ACTA1: variants seen among roughly 807,000 people sequenced by gnomAD.
ACTA1 encodes actin, alpha skeletal muscle.
ACTA1 carries 25 observed loss-of-function variants against 35.8 expected under a neutral mutation model. The ratio of observed to expected loss-of-function variants is 0.70; its 90% CI spans 0.51 to 0.97. ACTA1 has a LOEUF of 0.97. ACTA1 is among the 50% of genes least tolerant of loss of function. The pLI, the probability that ACTA1 is intolerant of heterozygous loss-of-function variation, is 0.00. For synonymous variants in ACTA1, 219 were observed against 217.1 expected (o/e 1.01, Z -0.08); for missense variants, 174 against 533.0 (o/e 0.33, Z 6.63).
At position 229,433,563 on chromosome 1, in the gene ACTA1, A is replaced by G. The variant is rs114344322; in HGVS notation, c.-12-436T>C. Among the ~76,000 whole-genome samples the G allele has an allele frequency of 7.0e-3, 1,067 of 152,290 alleles. 5 individuals are homozygous for G. Among genetic ancestry groups the G allele is most frequent in the Non-Finnish European group, 0.011 (735 of 68,022 alleles). The stretch of plus-strand genomic sequence containing the variant: ...AGCGTGAGGGTGGAAGGAGATGCCC[A>G]TGGGAAAGGCGTTGGCACCCCATCC... On this transcript the variant is annotated intron_variant, in intron 1 of 6. Coordinates refer to ENST00000366684, the MANE Select transcript of ACTA1 (RefSeq NM_001100.4).
Position 229,432,614 on chromosome 1 carries a change from G to T in ACTA1, c.396C>A (p.Pro132=). 1 of 1,614,032 alleles carries T rather than the reference G, an allele frequency of 6.2e-7. No homozygotes were observed. Among genetic ancestry groups the T allele is most frequent in the Non-Finnish European group, 8.5e-7 (1 of 1,179,994 alleles). The change falls in exon 3 of 7, where the codon CCC becomes CCA. Residue 132 remains proline (P), a synonymous_variant. Coordinates refer to ENST00000366684, the MANE Select transcript of ACTA1 (RefSeq NM_001100.4). ...TQIMFETFNV[P]AMYVAIQAVL... ...CGGCCTGGATGGCCACGTACATGGC[G>T]GGCACGTTGAAGGTCTCAAACATGA...
chr1:229,433,787 C>A (rs527442566), intron 1 of ACTA1, among the ~76,000 whole-genome samples: 3 of 152,238 alleles, frequency 2.0e-5, no homozygotes, highest in Non-Finnish European at 4.4e-5. Flanking sequence ...GGTAAAGGAG[C>A]CCAAAGGGGC....
intron 1 of ACTA1, among the ~76,000 whole-genome samples, chr1:229,433,539 G>A (rs1366463925): frequency 6.6e-6 from 1 of 152,222 alleles, no homozygotes; most frequent in African/African-American, 2.4e-5. Context: ...TGCTGGGCCA[G>A]CGTGAGGGTG....
At chr1:229,433,339 AG>A (rs1185743796) in intron 1 of ACTA1, among the ~76,000 whole-genome samples, 2 of 152,158 alleles carry the variant, frequency 1.3e-5, no homozygotes, top group East Asian at 1.9e-4. Context: ...AACCAGGAAA[AG>A]GGGCACAGGG....
In ACTA1 at chr1:229,431,334, G is replaced by T; in HGVS notation, c.*165C>A. The stretch of plus-strand genomic sequence containing the variant: ...TTGTTTCGAAAAATAACAAAATGAG[G>T]TAATAAGTTAATGTATGTACACGTT... On this transcript the variant is annotated 3_prime_UTR_variant, in exon 7 of 7. Transcript: ENST00000366684. This position sits in a 1 kb window ranked among gnomAD's most constrained non-coding sequence, Gnocchi z 7.1. 1 of 929,896 alleles carries T rather than the reference G, an allele frequency of 1.1e-6. No individual in the cohort carries two copies. Among genetic ancestry groups the T allele is most frequent in the Non-Finnish European group, 1.7e-6 (1 of 590,826 alleles). The allele number at this position is 929,896 out of a possible 1,614,324, so 57.6% of individuals were successfully genotyped here. A position where few individuals can be genotyped will look rare whatever the true frequency, so the allele number is the denominator to read the frequency against.
Position 229,432,201 on chromosome 1 carries a change from G to C in ACTA1, c.617-16C>G. 3.1e-6 allele frequency: 5 copies of C among 1,613,378 alleles called. No individual in the cohort carries two copies. The highest frequency in any genetic ancestry group is 4.2e-6 in the Non-Finnish European group (5 of 1,179,676). On this transcript the variant is annotated splice_polypyrimidine_tract_variant and intron_variant, in intron 4 of 6. Coordinates refer to ENST00000366684, the MANE Select transcript of ACTA1 (RefSeq NM_001100.4). The stretch of plus-strand genomic sequence containing the variant: ...TCGCGCTCAGCTGCGGAGGGCAGAA[G>C]CAGGAGAGGAGCCCTCACTCAGGGG...
chr1:229,431,924 G>C lies in ACTA1; in HGVS notation c.809-22C>G. 1.9e-6 allele frequency: 3 copies of C among 1,607,778 alleles called. No individual in the cohort carries two copies. Among genetic ancestry groups the C allele is most frequent in the South Asian group, 1.1e-5 (1 of 90,926 alleles). On this transcript the variant is annotated intron_variant, in intron 5 of 6. Coordinates refer to ENST00000366684, the MANE Select transcript of ACTA1 (RefSeq NM_001100.4). The surrounding 1 kb of genome is among the most constrained non-coding windows in gnomAD (Gnocchi z 7.1). ...ATACCTGGGGACCGCGGCGGGGAGC[G>C]TGAGCAGAAGCTCGGGGCGCCGGGG...
At position 229,432,611 on chromosome 1, in the gene ACTA1, G is replaced by T. The variant is rs1558081976; in HGVS notation, c.399C>A (p.Ala133=). 6.2e-7 allele frequency: 1 copy of T among 1,614,054 alleles called. No individual in the cohort carries two copies. Among genetic ancestry groups the T allele is most frequent in the Non-Finnish European group, 8.5e-7 (1 of 1,180,010 alleles). Residue 133 remains alanine (A), a synonymous_variant, in exon 3 of 7, where the codon GCC becomes GCA. Transcript: ENST00000366684. ...QIMFETFNVP[A]MYVAIQAVLS... ...GCACGGCCTGGATGGCCACGTACATGGCGGGCACGTTGAAGGTCTCAAACA... is the reference window on the plus strand; with the variant it reads ...GCACGGCCTGGATGGCCACGTACATTGCGGGCACGTTGAAGGTCTCAAACA...
Position 229,431,945 on chromosome 1 carries a change from C to G in ACTA1, c.809-43G>C. Reference sequence around the variant, plus strand: ...GAGCGTGAGCAGAAGCTCGGGGCGCCGGGGGCCGGCGGGGCCTGGGGGCCG... The same window carrying G: ...GAGCGTGAGCAGAAGCTCGGGGCGCGGGGGGCCGGCGGGGCCTGGGGGCCG... On this transcript the variant is annotated intron_variant, in intron 5 of 6. Transcript: ENST00000366684. This position sits in a 1 kb window ranked among gnomAD's most constrained non-coding sequence, Gnocchi z 7.1. 1.2e-6 allele frequency: 2 copies of G among 1,605,238 alleles called. No homozygotes were observed. The highest frequency in any genetic ancestry group is 1.7e-6 in the Non-Finnish European group (2 of 1,176,086).
At chr1:229,433,249 TG>T (rs1659992784) in intron 1 of ACTA1, 122 bp from the exon 2 acceptor site, 30 of 1,390,626 alleles carry the variant, frequency 2.2e-5, no homozygotes, top group South Asian at 5.9e-5. Flanking sequence ...GGACATCTCC[TG>T]CCGGAGCCAC....
rs41271481 is a variant in ACTA1, at chr1:229,432,890, C to G, written c.130-10G>C. The G allele has an allele frequency of 0.18, 288,799 of 1,613,784 alleles. 26,922 individuals are homozygous for G. The highest frequency in any genetic ancestry group is 0.28 in the African/African-American group (20,792 of 74,962). ...TACCGACCATGACGCCCTGCAGAGCCGAGACACCACGCACCCGTTAACGCC... is the reference window on the plus strand; with the variant it reads ...TACCGACCATGACGCCCTGCAGAGCGGAGACACCACGCACCCGTTAACGCC... On this transcript the variant is annotated splice_polypyrimidine_tract_variant and intron_variant, in intron 2 of 6. Coordinates refer to ENST00000366684, the MANE Select transcript of ACTA1 (RefSeq NM_001100.4).
Position 229,432,180 on chromosome 1 carries a change from G to A in ACTA1, c.622C>T (p.Arg208Cys), listed in dbSNP as rs148514635. The A allele has an allele frequency of 1.2e-6, 2 of 1,613,438 alleles. No homozygotes were observed. The highest frequency in any genetic ancestry group is 2.7e-5 in the African/African-American group (2 of 74,896). ...TCCTTGATGTCGCGCACGATCTCGC[G>A]CTCAGCTGCGGAGGGCAGAAGCAGG... ...RGYSFVTTAE[R>C]EIVRDIKEKL... The change falls in exon 5 of 7, where the codon CGC becomes TGC. Residue 208 changes from arginine to cysteine, a missense_variant. Physicochemically the swap from Arg to Cys is radical, Grantham distance 180 (BLOSUM62 -3). Transcript: ENST00000366684.
rs773996373 is a variant in ACTA1 at position 229,431,950 on chromosome 1, G to T, written c.808+44C>A. The T allele has an allele frequency of 1.2e-6, 2 of 1,606,902 alleles. No individual in the cohort carries two copies. Among genetic ancestry groups the T allele is most frequent in the Non-Finnish European group, 1.7e-6 (2 of 1,176,736 alleles). ...TGAGCAGAAGCTCGGGGCGCCGGGG[G>T]CCGGCGGGGCCTGGGGGCCGGGGCG... On this transcript the variant is annotated intron_variant, in intron 5 of 6. Transcript: ENST00000366684. This position sits in a 1 kb window ranked among gnomAD's most constrained non-coding sequence, Gnocchi z 7.1.
At position 229,431,677 on chromosome 1, in the gene ACTA1, C is replaced by G; in HGVS notation, c.991-35G>C. On this transcript the variant is annotated intron_variant, in intron 6 of 6. Transcript: ENST00000366684. This position sits in a 1 kb window ranked among gnomAD's most constrained non-coding sequence, Gnocchi z 7.1. The stretch of plus-strand genomic sequence containing the variant: ...AGCGCGTGAGGTGGGGAGACCTCAC[C>G]CTGGAGCCCACCCCGCCGACAGCCC... 1 of 1,613,936 alleles carries G rather than the reference C, an allele frequency of 6.2e-7. No individual in the cohort carries two copies. The highest frequency in any genetic ancestry group is 8.5e-7 in the Non-Finnish European group (1 of 1,179,954).
At chr1:229,432,501 G>A in intron 3 of ACTA1, 55 bp downstream of exon 3, 1 of 1,469,954 alleles carries the variant, frequency 6.8e-7, no homozygotes, top group East Asian at 2.5e-5. Flanking sequence ...GCTAGCGGCG[G>A]GGGCGGGGGC....
In ACTA1 at chr1:229,433,247, C is replaced by T. The variant is rs1193198364; in HGVS notation, c.-12-120G>A. On this transcript the variant is annotated intron_variant, in intron 1 of 6. Transcript: ENST00000366684. ...CCTCCCCAGGAACCTAGGGACATCTCCTGCCGGAGCCACTCAAATTCTGCC... is the reference window on the plus strand; with the variant it reads ...CCTCCCCAGGAACCTAGGGACATCTTCTGCCGGAGCCACTCAAATTCTGCC... 4 of 1,391,446 alleles carry T rather than the reference C, an allele frequency of 2.9e-6. No individual in the cohort carries two copies. In the African/African-American group the frequency reaches 4.3e-5, roughly 15 times the overall value. The allele number at this position is 1,391,446 out of a possible 1,614,324, so 86.2% of individuals were successfully genotyped here.
chr1:229,433,146 C>G lies in ACTA1; in HGVS notation c.-12-19G>C. On this transcript the variant is annotated intron_variant, in intron 1 of 6. Transcript: ENST00000366684. The stretch of plus-strand genomic sequence containing the variant: ...CTAGTTTCTGCAAGGACAGGGAGAC[C>G]GCGAAGAGGCGCGGTGCATCAGCGC... The G allele has an allele frequency of 1.2e-6, 2 of 1,613,778 alleles. No homozygotes were observed. The highest frequency in any genetic ancestry group is 1.7e-6 in the Non-Finnish European group (2 of 1,179,912).
In ACTA1 at chr1:229,432,522, G is replaced by A. The variant is rs757583419; in HGVS notation, c.454+34C>T. On this transcript the variant is annotated intron_variant, in intron 3 of 6. Coordinates refer to ENST00000366684, the MANE Select transcript of ACTA1 (RefSeq NM_001100.4). ...GGCGGGGGCGGGGGCGGGGGCGGGG[G>A]CGGGAGAGGGGACTGGGGGCAGCGG... is the stretch of plus-strand genomic sequence containing the variant. 1.2e-5 allele frequency: 16 copies of A among 1,290,842 alleles called. No individual in the cohort carries two copies. In the East Asian group the frequency reaches 3.3e-4, roughly 26 times the overall value. The allele number at this position is 1,290,842 out of a possible 1,614,324, so 80.0% of individuals were successfully genotyped here.
chr1:229,433,236 T>C, intron 1 of ACTA1, 109 bp from the exon 2 acceptor site: 1 of 1,474,552 alleles, frequency 6.8e-7, no homozygotes, highest in Non-Finnish European at 9.4e-7. Flanking sequence ...CCCAGGAACC[T>C]AGGGACATCT....
Sources: allele counts gnomAD v4.1 joint callset (sites outside exome capture counted in the v4.1 genomes callset), GRCh38; gene constraint gnomAD v4.1.1; non-coding constraint Gnocchi (gnomAD v3.1); transcripts MANE v1.5; gene names NCBI Gene and HGNC (gene_info 2026-07-23, HGNC 2026-07-21).